TEX264: variants seen among roughly 807,000 people sequenced by gnomAD.
TEX264 encodes the protein testis-expressed protein 264.
Under a neutral mutation model 23.4 loss-of-function variants are expected in TEX264, and 13 were observed. The observed-to-expected ratio is 0.56, with a 90% CI of 0.36 to 0.88. The LOEUF (loss-of-function observed/expected upper bound fraction) is 0.88. TEX264 is among the 40% of genes least tolerant of loss of function. The probability of loss-of-function intolerance (pLI) is 0.01; values close to 1 mark genes in which losing one functional copy is unlikely to be tolerated. For missense variants in TEX264, 340 were observed against 406.8 expected (o/e 0.84, Z 1.41); for synonymous variants, 159 against 170.0 (o/e 0.94, Z 0.50).
At chr3:51,694,936 A>G (rs973835793) in intron 3 of TEX264, among the ~76,000 whole-genome samples, 1 of 152,170 alleles carries the variant, frequency 6.6e-6, no homozygotes, top group Non-Finnish European at 1.5e-5. Context: ...GGGCAGAATA[A>G]TAACGTGCTA....
At chr3:51,687,547 G>T (rs905844406) in intron 3 of TEX264, among the ~76,000 whole-genome samples, 1 of 152,224 alleles carries the variant, frequency 6.6e-6, no homozygotes, top group African/African-American at 2.4e-5. Flanking sequence ...GTGCGTGCGC[G>T]TGTGTACACC....
At chr3:51,697,879 G>A (rs1023221936) in intron 3 of TEX264, among the ~76,000 whole-genome samples, 1 of 152,214 alleles carries the variant, frequency 6.6e-6, no homozygotes, top group Non-Finnish European at 1.5e-5. Context: ...AGGAAGCCCC[G>A]AGGGCACCCA....
At chr3:51,692,301 A>T (rs1337498957) in intron 3 of TEX264, among the ~76,000 whole-genome samples, 1 of 152,172 alleles carries the variant, frequency 6.6e-6, no homozygotes, top group African/African-American at 2.4e-5. Flanking sequence ...GAGGGGAAAG[A>T]GATTCCAAGG....
At chr3:51,676,333 A>G (rs1179296450) in intron 2 of TEX264, among the ~76,000 whole-genome samples, 1 of 152,194 alleles carries the variant, frequency 6.6e-6, no homozygotes, top group Non-Finnish European at 1.5e-5. Flanking sequence ...GGAAAGGGCT[A>G]AGGCAGCAGG....
chr3:51,677,574 G>T (rs1318630234), intron 2 of TEX264, among the ~76,000 whole-genome samples: 1 of 152,132 alleles, frequency 6.6e-6, no homozygotes, highest in Non-Finnish European at 1.5e-5. Context: ...CAGGTGAGAG[G>T]TGCCACCTGG....
intron 2 of TEX264, among the ~76,000 whole-genome samples, chr3:51,678,652 C>T (rs28626048): frequency 6.6e-6 from 1 of 152,200 alleles, no homozygotes; most frequent in Non-Finnish European, 1.5e-5. Flanking sequence ...AGCCCCCTTT[C>T]CCTTAGTCCA....
rs149787907 is a variant in TEX264 at position 51,692,865 on chromosome 3, C to T, written c.481-6541C>T. Among the ~76,000 whole-genome samples the T allele has an allele frequency of 4.5e-4, 68 of 152,326 alleles. 2 individuals are homozygous for T. In the South Asian group the frequency reaches 7.2e-3, roughly 16 times the overall value. On this transcript the variant is annotated intron_variant, in intron 3 of 4. Coordinates refer to ENST00000341333, the MANE Select transcript of TEX264 (RefSeq NM_015926.6). ...CTAGCTGAGCTCTCCTTGGGGTACT[C>T]ACTCCTGTACTCCCCAACCCTCTGG...
chr3:51,687,883 A>C (rs575011506), intron 3 of TEX264, among the ~76,000 whole-genome samples: 2 of 152,330 alleles, frequency 1.3e-5, no homozygotes, highest in East Asian at 3.9e-4. Context: ...AGCACTTGTC[A>C]GGACTCTCGG....
At chr3:51,679,429 G>A (rs373183952) in intron 2 of TEX264, among the ~76,000 whole-genome samples, 16 of 152,272 alleles carry the variant, frequency 1.1e-4, no homozygotes, top group Middle Eastern at 3.4e-3. Context: ...CATGTGAGGC[G>A]GCACAGTGCA....
rs2106954364 is a variant in TEX264 at position 51,686,835 on chromosome 3, AC to A, written c.480+2205del. Among the ~76,000 whole-genome samples, 1 of 152,134 alleles carries A rather than the reference AC, an allele frequency of 6.6e-6. No individual in the cohort carries two copies. Among genetic ancestry groups the A allele is most frequent in the South Asian group, 2.1e-4 (1 of 4,814 alleles). Reference sequence around the variant, plus strand: ...ACCTCATGGGCCCATCTGGAGGGGCACCCCTGGGAAAGAGACTTCTTGGGTT... The same window carrying A: ...ACCTCATGGGCCCATCTGGAGGGGCACCCTGGGAAAGAGACTTCTTGGGTT... On this transcript the variant is annotated intron_variant, in intron 3 of 4. Transcript: ENST00000341333. The surrounding 1 kb of genome is among the most constrained non-coding windows in gnomAD (Gnocchi z 4.1).
chr3:51,673,075 A>AT (rs956297253), intron 1 of TEX264, among the ~76,000 whole-genome samples: 93 of 151,646 alleles, frequency 6.1e-4, no homozygotes, highest in African/African-American at 2.0e-3. Context: ...TCCAAAGACA[A>AT]TTTTTTTTTA....
intron 2 of TEX264, chr3:51,683,725 T>C (rs1356857306): frequency 2.0e-5 from 3 of 152,336 alleles, no homozygotes; most frequent in African/African-American, 7.2e-5. Flanking sequence ...CCCAATCCTA[T>C]GTCCTGACAG....
chr3:51,693,476 GTTT>G (rs766273698), intron 3 of TEX264, among the ~76,000 whole-genome samples: 1 of 121,724 alleles, frequency 8.2e-6, no homozygotes, highest in Non-Finnish European at 1.7e-5. Flanking sequence ...TTTCCATTAT[GTTT>G]TTTTTTTTTT....
chr3:51,688,473 GAC>G (rs1223701241), intron 3 of TEX264, among the ~76,000 whole-genome samples: 5 of 152,182 alleles, frequency 3.3e-5, no homozygotes, highest in African/African-American at 1.2e-4. Flanking sequence ...GAGAGTGTTT[GAC>G]ACACAGCCAA....
At chr3:51,700,045 G>T (rs897874165) in intron 4 of TEX264, among the ~76,000 whole-genome samples, 8 of 152,096 alleles carry the variant, frequency 5.3e-5, no homozygotes, top group African/African-American at 1.9e-4. Flanking sequence ...CTTTCTCCCT[G>T]CCAGGGAACA....
intron 3 of TEX264, among the ~76,000 whole-genome samples, chr3:51,697,911 T>C (rs1703132447): frequency 6.6e-6 from 1 of 152,196 alleles, no homozygotes; most frequent in Non-Finnish European, 1.5e-5. Flanking sequence ...AAGATTTGAC[T>C]CCAACTATTA....
intron 3 of TEX264, among the ~76,000 whole-genome samples, chr3:51,693,584 ATTC>A (rs1702911375): frequency 6.6e-6 from 1 of 151,466 alleles, no homozygotes; most frequent in African/African-American, 2.4e-5. Flanking sequence ...GATTCAAGCA[ATTC>A]TTCTGCCTCA....
At chr3:51,699,292 G>A in intron 3 of TEX264, 114 bp from the exon 4 acceptor site, 2 of 1,139,064 alleles carry the variant, frequency 1.8e-6, no homozygotes, top group Non-Finnish European at 2.5e-6. Context: ...AGGTTGAGAG[G>A]CAGAGCCAGC....
At chr3:51,689,243 G>A (rs1702736885) in intron 3 of TEX264, among the ~76,000 whole-genome samples, 1 of 152,032 alleles carries the variant, frequency 6.6e-6, no homozygotes, top group African/African-American at 2.4e-5. Flanking sequence ...GGACAACATG[G>A]TGAAACCTCG....
Sources: allele counts gnomAD v4.1 joint callset (sites outside exome capture counted in the v4.1 genomes callset), GRCh38; gene constraint gnomAD v4.1.1; non-coding constraint Gnocchi (gnomAD v3.1); transcripts MANE v1.5; gene names NCBI Gene and HGNC (gene_info 2026-07-23, HGNC 2026-07-21).